LMNA: variants seen among roughly 807,000 people sequenced by gnomAD.
The protein encoded by LMNA is lamin.
A neutral mutation model predicts 70.4 loss-of-function variants in LMNA; 20 were observed. That is an observed-to-expected ratio of 0.28 (90% CI 0.20 to 0.41). The LOEUF (loss-of-function observed/expected upper bound fraction) is 0.41, where lower values mean the gene tolerates loss of function less well. Ranked by LOEUF, LMNA falls within the 10% of genes least tolerant of loss-of-function variation. LMNA has a pLI of 1.00. For synonymous variants in LMNA, 339 were observed against 372.8 expected (o/e 0.91, Z 1.04); for missense variants, 652 against 917.2 (o/e 0.71, Z 3.73).
Position 156,135,148 on chromosome 1 carries a change from C to T in LMNA, c.811-39C>T. ...ACTCAGGCCTGTGCCTCCACCCCTC[C>T]CAGTCACCACAGTCCTAACCCTTTG... On this transcript the variant is annotated intron_variant, in intron 4 of 11. Coordinates refer to ENST00000368300, the MANE Select transcript of LMNA (RefSeq NM_170707.4). The surrounding 1 kb of genome is among the most constrained non-coding windows in gnomAD (Gnocchi z 4.8). 6.2e-7 allele frequency: 1 copy of T among 1,613,894 alleles called. No homozygotes were observed.
rs1363926380 is a variant in LMNA, at chr1:156,103,196, C to T, written c.-206-11517C>T. On this transcript the variant is annotated intron_variant, in intron 3 of 12. Coordinates refer to the LMNA transcript ENST00000368301. This position sits in a 1 kb window ranked among gnomAD's most constrained non-coding sequence, Gnocchi z 4.7. ...CCAGGAAGTCCTGGGCTCTAGGAACCTCCTTCCTGCCCCCACAGCTTCCTC... is the reference window on the plus strand; with the variant it reads ...CCAGGAAGTCCTGGGCTCTAGGAACTTCCTTCCTGCCCCCACAGCTTCCTC... 6.6e-6 allele frequency among the ~76,000 whole-genome samples: 1 copy of T among 152,240 alleles called. No individual in the cohort carries two copies. Among genetic ancestry groups the T allele is most frequent in the Admixed American group, 6.5e-5 (1 of 15,288 alleles).
In LMNA at chr1:156,122,773, C is replaced by T. The variant is rs776391580; in HGVS notation, c.356+7499C>T. Among the ~76,000 whole-genome samples, 8 of 152,164 alleles carry T rather than the reference C, an allele frequency of 5.3e-5. No individual in the cohort carries two copies. In the East Asian group the frequency reaches 5.8e-4, roughly 11 times the overall value. On this transcript the variant is annotated intron_variant, in intron 1 of 11. Transcript: ENST00000368300. ...AGGATTAGAGAACAGTGCCTGGAACCGGGGGGAGGGGCACGGTGACCTTGG... is the reference window on the plus strand; with the variant it reads ...AGGATTAGAGAACAGTGCCTGGAACTGGGGGGAGGGGCACGGTGACCTTGG...
intron 3 of LMNA, among the ~76,000 whole-genome samples, chr1:156,104,075 A>G (rs1167706792): frequency 6.6e-6 from 1 of 152,222 alleles, no homozygotes; most frequent in Non-Finnish European, 1.5e-5. Context: ...GAGCCCCAAG[A>G]GATGTCCCAG....
chr1:156,122,104 CAA>C (rs991526081), intron 1 of LMNA, among the ~76,000 whole-genome samples: 1 of 151,864 alleles, frequency 6.6e-6, no homozygotes, highest in African/African-American at 2.4e-5. Flanking sequence ...GATTCCGTCT[CAA>C]AAAAATAATA....
In LMNA at chr1:156,134,663, G is replaced by T. The variant is rs114521864; in HGVS notation, c.639+135G>T. ...CCTAGTGGACAGGGAGTTGGGGGTG[G>T]CCAGCACTCAGCTCCCAGGTTAAAG... On this transcript the variant is annotated intron_variant, in intron 3 of 11. Coordinates refer to ENST00000368300, the MANE Select transcript of LMNA (RefSeq NM_170707.4). The surrounding 1 kb of genome is among the most constrained non-coding windows in gnomAD (Gnocchi z 5.3). The T allele has an allele frequency of 8.1e-4, 1,250 of 1,539,072 alleles. 7 individuals are homozygous for T. The African/African-American group carries it at 0.015, about 19-fold the overall frequency.
At chr1:156,113,489 T>C (rs962137657), upstream of LMNA, among the ~76,000 whole-genome samples, 1 of 152,076 alleles carries the variant, frequency 6.6e-6, no homozygotes, top group Non-Finnish European at 1.5e-5. Context: ...TGATCTCGTT[T>C]TGTGAGAGAG....
rs143860978 is a variant in LMNA at position 156,139,396 on chromosome 1, A to C, written c.*290A>C. On this transcript the variant is annotated 3_prime_UTR_variant, in exon 12 of 12. Coordinates refer to ENST00000368300, the MANE Select transcript of LMNA (RefSeq NM_170707.4). ...TTCCAGGAAACTCCACATCTGCCTTAAAACCAAAGAGGGCTTCCTCTAGAA... is the reference window on the plus strand; with the variant it reads ...TTCCAGGAAACTCCACATCTGCCTTCAAACCAAAGAGGGCTTCCTCTAGAA... 27 of 1,374,156 alleles carry C rather than the reference A, an allele frequency of 2.0e-5. No homozygotes were observed. The highest frequency in any genetic ancestry group is 9.4e-7 in the Non-Finnish European group (1 of 1,067,286). 85.1% of individuals were successfully genotyped at this position (1,374,156 alleles called of 1,614,324 possible).
rs1651899236 is a variant in LMNA, at chr1:156,138,987, G to C, written c.1969-93G>C. 1 of 1,431,500 alleles carries C rather than the reference G, an allele frequency of 7.0e-7. No homozygotes were observed. Among genetic ancestry groups the C allele is most frequent in the African/African-American group, 1.4e-5 (1 of 71,032 alleles). 88.7% of individuals were successfully genotyped at this position (1,431,500 alleles called of 1,614,324 possible). ...GGCAGGGCTGGAGTGTGAGGGATGG[G>C]GGAGATGCTACCTCCCTTCTAGGGG... On this transcript the variant is annotated intron_variant, in intron 11 of 11. Coordinates refer to ENST00000368300, the MANE Select transcript of LMNA (RefSeq NM_170707.4). The surrounding 1 kb of genome is among the most constrained non-coding windows in gnomAD (Gnocchi z 5.5).
At chr1:156,126,572 C>A in intron 1 of LMNA, 1 of 804,174 alleles carries the variant, frequency 1.2e-6, no homozygotes, top group Non-Finnish European at 2.2e-6. Flanking sequence ...CCCAAGGGCC[C>A]GGGCCTGCTG....
intron 1 of LMNA, among the ~76,000 whole-genome samples, chr1:156,125,172 G>A (rs1435488393): frequency 2.0e-5 from 3 of 152,248 alleles, no homozygotes; most frequent in East Asian, 1.9e-4. Flanking sequence ...GACCCAACAG[G>A]TAGAACACTG....
chr1:156,086,330 A>C (rs1370985762), intron 2 of LMNA, among the ~76,000 whole-genome samples: 2 of 152,126 alleles, frequency 1.3e-5, no homozygotes, highest in African/African-American at 4.8e-5. Context: ...AGGTCATTCT[A>C]AACAAACAGC....
chr1:156,121,166 C>T (rs1650161898), intron 1 of LMNA, among the ~76,000 whole-genome samples: 1 of 151,206 alleles, frequency 6.6e-6, no homozygotes, highest in Non-Finnish European at 1.5e-5. Context: ...CCTCCCACCT[C>T]AGCCTCCCAA....
At chr1:156,126,261 C>A in intron 1 of LMNA, 1 of 1,457,940 alleles carries the variant, frequency 6.9e-7, no homozygotes, top group Non-Finnish European at 9.1e-7. Flanking sequence ...TAAGGAGTCC[C>A]TGCAGGGCTG....
chr1:156,134,399 A>G lies in LMNA; in HGVS notation c.514-4A>G. The G allele has an allele frequency of 2.5e-6, 4 of 1,613,872 alleles. No homozygotes were observed. The highest frequency in any genetic ancestry group is 3.4e-6 in the Non-Finnish European group (4 of 1,179,956). ...TTTCCTCATCTCTGCCTGCTTCCTC[A>G]CAGCTTGAGGCAGCCCTAGGTGAGG... On this transcript the variant is annotated splice_polypyrimidine_tract_variant and splice_region_variant and intron_variant, in intron 2 of 11. Transcript: ENST00000368300. The surrounding 1 kb of genome is among the most constrained non-coding windows in gnomAD (Gnocchi z 5.3).
At chr1:156,086,999 A>C (rs1648504596) in intron 2 of LMNA, among the ~76,000 whole-genome samples, 1 of 151,912 alleles carries the variant, frequency 6.6e-6, no homozygotes, top group African/African-American at 2.4e-5. Flanking sequence ...CACTGTCTGA[A>C]CACTCAGTAC....
chr1:156,083,623 T>C (rs1648359188), intron 2 of LMNA: 1 of 152,050 alleles, frequency 6.6e-6, no homozygotes, highest in South Asian at 2.1e-4. Context: ...ACCAACAAGG[T>C]GAAACCTCGT....
intron 1 of LMNA, among the ~76,000 whole-genome samples, chr1:156,123,945 A>G (rs1222452669): frequency 6.6e-6 from 1 of 152,138 alleles, no homozygotes; most frequent in Non-Finnish European, 1.5e-5. Flanking sequence ...TCTCAGCACC[A>G]GTTCTCCCCA....
At chr1:156,101,448 C>T (rs375996373) in intron 3 of LMNA, among the ~76,000 whole-genome samples, 232 of 152,130 alleles carry the variant, frequency 1.5e-3, no homozygotes, top group African/African-American at 5.3e-3. Flanking sequence ...GCTATGATTG[C>T]ACCAATGCAC....
intron 3 of LMNA, among the ~76,000 whole-genome samples, chr1:156,095,070 C>T (rs530743658): frequency 4.1e-4 from 63 of 151,858 alleles, no homozygotes; most frequent in African/African-American, 9.7e-4. Flanking sequence ...TACAGGCGCA[C>T]GCCACCATGC....
Sources: allele counts gnomAD v4.1 joint callset (sites outside exome capture counted in the v4.1 genomes callset), GRCh38; gene constraint gnomAD v4.1.1; non-coding constraint Gnocchi (gnomAD v3.1); transcripts MANE v1.5; gene names NCBI Gene and HGNC (gene_info 2026-07-23, HGNC 2026-07-21).